CNST: variants seen among roughly 807,000 people sequenced by gnomAD.
CNST encodes consortin, connexin sorting protein.
In CNST, 39 loss-of-function variants were observed where a neutral mutation model predicts 72.4. The ratio of observed to expected loss-of-function variants is 0.54; its 90% confidence interval spans 0.42 to 0.70. The LOEUF (loss-of-function observed/expected upper bound fraction) is 0.70, where lower values mean the gene tolerates loss of function less well. Ranked by LOEUF, CNST falls within the 30% of genes least tolerant of loss-of-function variation. The pLI, the probability that CNST is intolerant of heterozygous loss-of-function variation, is 0.00. For synonymous variants in CNST, 332 were observed against 320.1 expected, an observed-to-expected ratio of 1.04 and a Z score of -0.40; for missense variants, 871 against 868.5, an observed-to-expected ratio of 1.00 and a Z score of -0.04.
At chr1:246,641,676 A>T in intron 6 of CNST, 73 bp from the exon 7 acceptor site, 1 of 829,208 alleles carries the variant, frequency 1.2e-6, no homozygotes, top group Non-Finnish European at 2.0e-6. Flanking sequence ...TAGCCATTTC[A>T]GTGACATTTG....
chr1:246,584,138 C>A (rs1052627597), intron 1 of CNST, among the ~76,000 whole-genome samples: 1 of 152,148 alleles, frequency 6.6e-6, no homozygotes, highest in Non-Finnish European at 1.5e-5. Context: ...GATGGGGTCT[C>A]GCTTCAAGAC....
At chr1:246,619,038 C>T (rs1406760047) in intron 2 of CNST, among the ~76,000 whole-genome samples, 1 of 151,974 alleles carries the variant, frequency 6.6e-6, no homozygotes, top group African/African-American at 2.4e-5. Flanking sequence ...GGAGTAATAC[C>T]CTGATAACTA....
intron 9 of CNST, among the ~76,000 whole-genome samples, chr1:246,655,272 T>G (rs1045354323): frequency 2.0e-5 from 3 of 152,230 alleles, no homozygotes; most frequent in Non-Finnish European, 4.4e-5. Flanking sequence ...TCGACATTGA[T>G]GTACTTCATC....
At chr1:246,665,239 G>A (rs1436806095) in intron 10 of CNST, among the ~76,000 whole-genome samples, 1 of 150,556 alleles carries the variant, frequency 6.6e-6, no homozygotes, top group Non-Finnish European at 1.5e-5. Flanking sequence ...CAGGCATGGT[G>A]GCACAGGCCT....
rs7526306 is a variant in CNST, at chr1:246,652,865, G to C, written c.1836+4828G>C. 2.9e-4 allele frequency among the ~76,000 whole-genome samples: 40 copies of C among 140,288 alleles called. 1 individual carries two copies. Among genetic ancestry groups the C allele is most frequent in the African/African-American group, 1.0e-3 (39 of 38,646 alleles). The allele number at this position is 140,288 out of a possible 152,430, so 92.0% of individuals were successfully genotyped here. A position where few individuals can be genotyped will look rare whatever the true frequency, so the allele number is the denominator to read the frequency against. On this transcript the variant is annotated intron_variant, in intron 9 of 10. Coordinates refer to ENST00000366513, the MANE Select transcript of CNST (RefSeq NM_152609.3). Reference sequence around the variant, plus strand: ...TAAAAATACAAAAAACTAGCCGGGCGTGGTGGCGGGCGCCTGTAGTCCCAG... The same window carrying C: ...TAAAAATACAAAAAACTAGCCGGGCCTGGTGGCGGGCGCCTGTAGTCCCAG...
intron 2 of CNST, chr1:246,606,373 T>C (rs1018659725): frequency 3.3e-5 from 5 of 152,062 alleles, no homozygotes; most frequent in African/African-American, 1.2e-4. Flanking sequence ...ACGGGCTACT[T>C]TTCTGATGTT....
chr1:246,603,182 A>G (rs1409907518), intron 2 of CNST, among the ~76,000 whole-genome samples: 2 of 152,214 alleles, frequency 1.3e-5, no homozygotes, highest in African/African-American at 2.4e-5. Context: ...AAGACTTTTT[A>G]AAAGTTTTTA....
At position 246,652,897 on chromosome 1, in the gene CNST, G is replaced by A. The variant is rs564230809; in HGVS notation, c.1836+4860G>A. ...CGGGCGCCTGTAGTCCCAGCTACTCGGGAGGCTGAGGCAGGAGAATGGCGT... is the reference window on the plus strand; with the variant it reads ...CGGGCGCCTGTAGTCCCAGCTACTCAGGAGGCTGAGGCAGGAGAATGGCGT... On this transcript the variant is annotated intron_variant, in intron 9 of 10. Transcript: ENST00000366513. Among the ~76,000 whole-genome samples, 389 of 150,854 alleles carry A rather than the reference G, an allele frequency of 2.6e-3. 2 individuals carry two copies. Among genetic ancestry groups the A allele is most frequent in the African/African-American group, 9.0e-3 (368 of 41,114 alleles).
At chr1:246,629,755 A>T (rs1664656477) in intron 3 of CNST, among the ~76,000 whole-genome samples, 1 of 152,130 alleles carries the variant, frequency 6.6e-6, no homozygotes, top group African/African-American at 2.4e-5. Flanking sequence ...TTTTTGAGAC[A>T]GAGTTTCACA....
intron 8 of CNST, among the ~76,000 whole-genome samples, chr1:246,644,014 C>T (rs962898689): frequency 1.4e-4 from 21 of 152,112 alleles, no homozygotes; most frequent in Admixed American, 2.6e-4. Context: ...GGTTGTATTT[C>T]GTGGCATAGC....
chr1:246,617,939 A>G (rs757562266), intron 2 of CNST, among the ~76,000 whole-genome samples: 2 of 152,350 alleles, frequency 1.3e-5, no homozygotes, highest in South Asian at 4.1e-4. Flanking sequence ...TAGAAGAACA[A>G]CCTGCTCTTT....
chr1:246,602,227 G>T (rs1293050497), intron 2 of CNST, among the ~76,000 whole-genome samples: 1 of 152,208 alleles, frequency 6.6e-6, no homozygotes, highest in Non-Finnish European at 1.5e-5. Context: ...ATTGTGCATG[G>T]TCTGTGCATT....
At chr1:246,584,788 ACATACCACTCCCTCCCTGCCTC>A (rs1251110048) in intron 1 of CNST, among the ~76,000 whole-genome samples, 1 of 152,074 alleles carries the variant, frequency 6.6e-6, no homozygotes, top group Non-Finnish European at 1.5e-5. Flanking sequence ...CTTGCTCCCA[ACATACCACTCCCTCCCTGCCTC>A]CGGTATATGG....
chr1:246,605,729 GGTGTCTTCCGGCCGGGGTGC>G (rs1558550170), intron 2 of CNST: 12 of 32,118 alleles, frequency 3.7e-4, no homozygotes, highest in African/African-American at 1.2e-3. Context: ...GGCCGGGGTA[GGTGTCTTCCGGCCGGGGTGC>G]GTGTCTTCCG....
chr1:246,591,476 G>GA (rs35302997), intron 1 of CNST, 36 bp from the exon 2 acceptor site: 447,275 of 1,444,614 alleles, frequency 0.31, 76,658 homozygotes, highest in East Asian at 0.66. Flanking sequence ...GCAAAGGTTA[G>GA]AAAATGAAGT....
intron 7 of CNST, 46 bp downstream of exon 7, chr1:246,641,816 T>G: frequency 7.9e-7 from 1 of 1,261,856 alleles, no homozygotes; most frequent in East Asian, 2.3e-5. Flanking sequence ...AAAATGTTTG[T>G]GTCATATGTC....
chr1:246,597,130 G>A (rs1661944765), intron 2 of CNST, among the ~76,000 whole-genome samples: 1 of 152,126 alleles, frequency 6.6e-6, no homozygotes, highest in Admixed American at 6.5e-5. Context: ...CAAAGCAACT[G>A]CACCATTTTA....
intron 1 of CNST, 82 bp downstream of exon 1, chr1:246,566,745 C>T (rs1659713591): frequency 5.0e-6 from 2 of 399,562 alleles, no homozygotes; most frequent in African/African-American, 2.1e-5. Flanking sequence ...TCTCGCTCCT[C>T]CCCCTGCGCT....
rs560194062 is a variant in CNST at position 246,586,683 on chromosome 1, C to T, written c.-51-4829C>T. 9.2e-5 allele frequency among the ~76,000 whole-genome samples: 14 copies of T among 151,888 alleles called. No homozygotes were observed. The South Asian group carries it at 2.9e-3, about 32-fold the overall frequency. The stretch of plus-strand genomic sequence containing the variant: ...TTTCTAATGGGGCGGTTATATAGCC[C>T]AACATATAAACCTGAAGAAATGGAC... On this transcript the variant is annotated intron_variant, in intron 1 of 10. Coordinates refer to ENST00000366513, the MANE Select transcript of CNST (RefSeq NM_152609.3).
Sources: allele counts gnomAD v4.1 joint callset (sites outside exome capture counted in the v4.1 genomes callset), GRCh38; gene constraint gnomAD v4.1.1; transcripts MANE v1.5; gene names NCBI Gene and HGNC (gene_info 2026-07-23, HGNC 2026-07-21).